The following ZNF846 variants were observed in gnomAD, a reference collection of about 807,000 sequenced individuals.
ZNF846 encodes the protein zinc finger protein 846, also known as zinc finger protein 420 pseudogene.
Under a neutral mutation model 16.0 loss-of-function variants are expected in ZNF846, and 15 were observed. The observed-to-expected ratio is 0.94, with a 90% confidence interval of 0.63 to 1.45. The LOEUF (loss-of-function observed/expected upper bound fraction) is 1.45, where lower values mean the gene tolerates loss of function less well. Among genes scored for constraint, ZNF846 ranks in the 40% most tolerant of loss-of-function variants. The pLI is 0.00. For synonymous variants in ZNF846, 229 were observed against 212.0 expected (o/e 1.08, Z -0.70); for missense variants, 714 against 622.3 (o/e 1.15, Z -1.57).
chr19:9,773,471 G>C (rs2045406488), upstream of ZNF846, among the ~76,000 whole-genome samples: 1 of 152,222 alleles, frequency 6.6e-6, no homozygotes, highest in South Asian at 2.1e-4. Context: ...AATTCAGTAA[G>C]AAAAATTAAT....
intron 4 of ZNF846, among the ~76,000 whole-genome samples, chr19:9,760,804 A>G (rs1284291916): frequency 6.6e-6 from 1 of 151,666 alleles, no homozygotes; most frequent in African/African-American, 2.4e-5. Context: ...ATATACAGAA[A>G]GGGTAAATCC....
At chr19:9,772,731 C>T (rs767024559), upstream of ZNF846, among the ~76,000 whole-genome samples, 13 of 152,086 alleles carry the variant, frequency 8.5e-5, no homozygotes, top group Non-Finnish European at 1.9e-4. Flanking sequence ...TAACTATCCC[C>T]ACATGAAATT....
At chr19:9,750,290 C>T (rs1041191580), downstream of ZNF846, among the ~76,000 whole-genome samples, 2 of 152,194 alleles carry the variant, frequency 1.3e-5, no homozygotes, top group African/African-American at 4.8e-5. Context: ...CTTGCTTATA[C>T]CCAGCCCCAT....
intron 3 of ZNF846, among the ~76,000 whole-genome samples, chr19:9,762,857 T>A (rs1037101967): frequency 4.6e-5 from 7 of 152,126 alleles, no homozygotes; most frequent in African/African-American, 1.7e-4. Context: ...TATAAAGTAA[T>A]GCCCAGGCCA....
intron 2 of ZNF846, 189 bp downstream of exon 2, chr19:9,764,747 G>C: frequency 1.5e-6 from 1 of 653,858 alleles, no homozygotes; most frequent in Admixed American, 2.6e-5. Flanking sequence ...GCCAGATCCC[G>C]CAATACACTT....
downstream of ZNF846, among the ~76,000 whole-genome samples, chr19:9,753,588 T>C (rs141753614): frequency 3.2e-4 from 48 of 151,694 alleles, 2 homozygotes; most frequent in African/African-American, 1.1e-3. Flanking sequence ...CAACATCTCA[T>C]AAATTTTGGT....
upstream of ZNF846, among the ~76,000 whole-genome samples, chr19:9,773,260 C>T (rs2045404023): frequency 6.6e-6 from 1 of 152,096 alleles, no homozygotes; most frequent in Admixed American, 6.6e-5. Context: ...CTCCTGGGCT[C>T]AAGGGATCCT....
chr19:9,767,180 G>A (rs1374715310), intron 1 of ZNF846, among the ~76,000 whole-genome samples: 1 of 151,756 alleles, frequency 6.6e-6, no homozygotes, highest in Non-Finnish European at 1.5e-5. Flanking sequence ...TTGTTGCCCA[G>A]GCTGTAGTGC....
chr19:9,781,663 C>CT (rs563535052), intron 1 of ZNF846, among the ~76,000 whole-genome samples: 1 of 151,850 alleles, frequency 6.6e-6, no homozygotes, highest in Non-Finnish European at 1.5e-5. Flanking sequence ...CAAAAAAAAA[C>CT]TTTTTTCTTT....
chr19:9,763,196 T>C lies in ZNF846; in HGVS notation c.142+86A>G, dbSNP rs2045258899. On this transcript the variant is annotated intron_variant, in intron 3 of 5. Transcript: ENST00000397902. ...TGGCCAAGGTCCATGCCTGTCTTGC[T>C]TATTACAGTACCCTCATTTGACAGC... 18 of 1,317,076 alleles carry C rather than the reference T, an allele frequency of 1.4e-5. No homozygotes were observed. The South Asian group carries it at 1.7e-4, about 13-fold the overall frequency. The allele number at this position is 1,317,076 out of a possible 1,614,324, so 81.6% of individuals were successfully genotyped here.
chr19:9,751,163 C>T (rs923859024), downstream of ZNF846, among the ~76,000 whole-genome samples: 1 of 152,106 alleles, frequency 6.6e-6, no homozygotes, highest in Non-Finnish European at 1.5e-5. Flanking sequence ...TACAAAACTG[C>T]ATCCAGGCTA....
intron 1 of ZNF846, among the ~76,000 whole-genome samples, chr19:9,766,921 TCTC>T (rs2045324887): frequency 6.6e-6 from 1 of 151,340 alleles, no homozygotes; most frequent in Admixed American, 6.6e-5. Context: ...AAAAAAGTGT[TCTC>T]TTCAGCAATG....
At chr19:9,776,842 G>A (rs1290048846) in intron 1 of ZNF846, among the ~76,000 whole-genome samples, 2 of 152,178 alleles carry the variant, frequency 1.3e-5, no homozygotes, top group African/African-American at 4.8e-5. Flanking sequence ...AGGAGAGCAA[G>A]AGAACTCCAG....
chr19:9,763,047 G>A (rs921595636), intron 3 of ZNF846, among the ~76,000 whole-genome samples: 1 of 151,936 alleles, frequency 6.6e-6, no homozygotes. Flanking sequence ...GGGAGGCTGA[G>A]GCAGGAGAAT....
chr19:9,768,351 C>T (rs965178138), exon 1 of ZNF846: 56 of 152,228 alleles, frequency 3.7e-4, no homozygotes, highest in African/African-American at 1.3e-3. Context: ...TCCACAACAG[C>T]TGAGATGCTT....
intron 1 of ZNF846, chr19:9,774,410 G>A (rs2045416241): frequency 5.0e-6 from 3 of 601,250 alleles, no homozygotes; most frequent in Non-Finnish European, 9.1e-6. Flanking sequence ...GGAGCTTGCA[G>A]TGAACTGAGA....
At chr19:9,776,168 C>T (rs941710088) in intron 1 of ZNF846, among the ~76,000 whole-genome samples, 2 of 152,190 alleles carry the variant, frequency 1.3e-5, no homozygotes, top group African/African-American at 2.4e-5. Context: ...GAACAACACC[C>T]GCTACTTAGC....
chr19:9,761,667 T>A (rs1175912155), intron 4 of ZNF846, among the ~76,000 whole-genome samples: 6 of 151,084 alleles, frequency 4.0e-5, no homozygotes, highest in Non-Finnish European at 7.4e-5. Flanking sequence ...GCCAAGATCA[T>A]GTCACTGCAC....
At chr19:9,749,546 CTT>C (rs60331343), downstream of ZNF846, among the ~76,000 whole-genome samples, 26,959 of 125,434 alleles carry the variant, frequency 0.21, 2,265 homozygotes, top group Admixed American at 0.3. Flanking sequence ...ATAAGTCTTT[CTT>C]TTTTTTTTTT....
Sources: gnomAD v4.1 joint callset for allele counts (sites outside exome capture counted in the v4.1 genomes callset) on GRCh38, gnomAD v4.1.1 for gene constraint, MANE v1.5 for transcripts, NCBI Gene and HGNC (gene_info 2026-07-23, HGNC 2026-07-21) for gene names.